Variants in ENOX1 observed in about 807,000 individuals in gnomAD.
ENOX1 encodes ecto-NOX disulfide-thiol exchanger 1, also known as candidate growth-related and time keeping constitutive hydroquinone (NADH) oxidase.
In ENOX1, 42 loss-of-function variants were observed where a neutral mutation model predicts 82.5. That is an observed-to-expected ratio of 0.51 (90% CI 0.40 to 0.66). The LOEUF is 0.66. ENOX1 is among the 30% of genes least tolerant of loss of function. The pLI is 0.00. For missense variants in ENOX1, 608 were observed against 811.6 expected (o/e 0.75, Z 3.05); for synonymous variants, 271 against 282.2 (o/e 0.96, Z 0.40).
chr13:43,355,332 C>T (rs907471555), intron 8 of ENOX1, among the ~76,000 whole-genome samples: 1 of 152,210 alleles, frequency 6.6e-6, no homozygotes, highest in Non-Finnish European at 1.5e-5. Flanking sequence ...AACATACTCT[C>T]TTCTCTTGCT....
chr13:43,360,533 A>T (rs1369998295), intron 6 of ENOX1, among the ~76,000 whole-genome samples: 3 of 152,146 alleles, frequency 2.0e-5, no homozygotes, highest in Non-Finnish European at 4.4e-5. Context: ...ACCGGGCCTG[A>T]AAAAAACCAC....
intron 5 of ENOX1, among the ~76,000 whole-genome samples, chr13:43,400,245 GTTCTCCCTTCTCTTCCA>G (rs369327346): frequency 6.6e-6 from 1 of 151,904 alleles, no homozygotes; most frequent in African/African-American, 2.4e-5. Flanking sequence ...ACCTTCAAGG[GTTCTCCCTTCTCTTCCA>G]ACCTTCCATT....
intron 9 of ENOX1, among the ~76,000 whole-genome samples, chr13:43,341,616 G>A (rs4941457): frequency 0.019 from 2,822 of 152,252 alleles, 46 homozygotes; most frequent in South Asian, 0.034. Context: ...AATGCAATGG[G>A]GAGATACTCA....
intron 16 of ENOX1, among the ~76,000 whole-genome samples, chr13:43,218,159 A>T (rs9594911): frequency 6.6e-6 from 1 of 152,128 alleles, no homozygotes; most frequent in Non-Finnish European, 1.5e-5. Flanking sequence ...ATTTTGAGAA[A>T]GCCAGAAATT....
intron 3 of ENOX1, among the ~76,000 whole-genome samples, chr13:43,414,239 G>C (rs185771691): frequency 6.6e-6 from 1 of 152,136 alleles, no homozygotes; most frequent in African/African-American, 2.4e-5. Flanking sequence ...GGTGAATAAT[G>C]AGCAAATAGT....
At chr13:43,710,628 A>G (rs780643562) in intron 1 of ENOX1, among the ~76,000 whole-genome samples, 12 of 152,210 alleles carry the variant, frequency 7.9e-5, no homozygotes, top group Non-Finnish European at 1.6e-4. Flanking sequence ...ATGAACATAA[A>G]ATGTGTCTAT....
intron 3 of ENOX1, among the ~76,000 whole-genome samples, chr13:43,433,314 G>C (rs1470142313): frequency 6.6e-6 from 1 of 152,084 alleles, no homozygotes; most frequent in Non-Finnish European, 1.5e-5. Context: ...AGTCTTCCTT[G>C]AGCGAGAACT....
Position 43,298,435 on chromosome 13 carries a change from C to T in ENOX1, c.1357G>A (p.Glu453Lys), listed in dbSNP as rs1206773267. 6.2e-7 allele frequency: 1 copy of T among 1,613,868 alleles called. No homozygotes were observed. The highest frequency in any genetic ancestry group is 8.5e-7 in the Non-Finnish European group (1 of 1,179,966). Residue 453 changes from glutamate (E) to lysine (K), a missense_variant, in exon 12 of 17, where the codon GAA becomes AAA. By Grantham distance (56) the Glu-to-Lys change is moderately conservative. Coordinates refer to ENST00000690772, the MANE Select transcript of ENOX1 (RefSeq NM_001347969.2). ...TCTGTTCGGAAAAGCTGTTCTTTTT[C>T]TTGTTTCAGCAGCTCCACCTCATTC... ...YRNEVELLKQ[E>K]KEQLFRTEEN...
intron 2 of ENOX1, chr13:43,546,594 A>C (rs993147691): frequency 1.3e-5 from 2 of 152,190 alleles, no homozygotes; most frequent in African/African-American, 4.8e-5. Context: ...CCACATCTGA[A>C]GGATCCATAT....
intron 1 of ENOX1, among the ~76,000 whole-genome samples, chr13:43,760,700 A>G (rs879510375): frequency 7.2e-5 from 11 of 152,188 alleles, no homozygotes; most frequent in Non-Finnish European, 1.5e-4. Context: ...TTTCCAAGGG[A>G]ATCCAAACAA....
At chr13:43,520,062 T>C (rs1173050703) in intron 2 of ENOX1, among the ~76,000 whole-genome samples, 1 of 152,186 alleles carries the variant, frequency 6.6e-6, no homozygotes, top group African/African-American at 2.4e-5. Context: ...CATCTTAGTG[T>C]TCCCAGAACC....
At chr13:43,639,098 G>T (rs1325002093) in intron 2 of ENOX1, among the ~76,000 whole-genome samples, 2 of 111,400 alleles carry the variant, frequency 1.8e-5, no homozygotes, top group Non-Finnish European at 3.8e-5. Context: ...GAGGTCAGGA[G>T]TTCGAGACCA....
intron 11 of ENOX1, 45 bp downstream of exon 11, chr13:43,322,339 G>T: frequency 6.8e-7 from 1 of 1,460,926 alleles, no homozygotes; most frequent in Non-Finnish European, 9.5e-7. Flanking sequence ...AGATTTGGAA[G>T]ATCATTATGA....
chr13:43,333,702 A>G (rs2048539780), intron 9 of ENOX1, among the ~76,000 whole-genome samples: 1 of 152,206 alleles, frequency 6.6e-6, no homozygotes, highest in South Asian at 2.1e-4. Context: ...GGCTCACTGC[A>G]ACCTCAGCCT....
chr13:43,343,383 T>C (rs2049179666), intron 9 of ENOX1, among the ~76,000 whole-genome samples: 2 of 152,218 alleles, frequency 1.3e-5, no homozygotes, highest in South Asian at 4.1e-4. Flanking sequence ...CTGGTATCAG[T>C]CTGTGTGAAG....
intron 3 of ENOX1, among the ~76,000 whole-genome samples, chr13:43,426,834 A>G (rs1353703028): frequency 6.6e-6 from 1 of 152,198 alleles, no homozygotes; most frequent in African/African-American, 2.4e-5. Context: ...AATTTTGCTA[A>G]TAAGATAAAA....
At chr13:43,461,219 A>G (rs2057470051) in intron 3 of ENOX1, among the ~76,000 whole-genome samples, 1 of 152,196 alleles carries the variant, frequency 6.6e-6, no homozygotes. Flanking sequence ...CTGAGATTCA[A>G]ACTATAGGCC....
chr13:43,514,957 G>T lies in ENOX1; in HGVS notation c.-218-30805C>A, dbSNP rs114213516. Among the ~76,000 whole-genome samples, 794 of 152,208 alleles carry T rather than the reference G, an allele frequency of 5.2e-3. 6 individuals are homozygous for T. The highest frequency in any genetic ancestry group is 0.018 in the African/African-American group (740 of 41,540). ...AGGCTTTCTATATGCCAGATTGTAG[G>T]TTGAGGCACCCACAGTTTCAACAAG... On this transcript the variant is annotated intron_variant, in intron 2 of 16. Transcript: ENST00000690772.
chr13:43,263,266 G>A (rs1249307832), intron 14 of ENOX1, among the ~76,000 whole-genome samples: 1 of 152,118 alleles, frequency 6.6e-6, no homozygotes, highest in African/African-American at 2.4e-5. Context: ...AGGGAGGGAG[G>A]TGGCCACCCG....
Sources: allele counts gnomAD v4.1 joint callset (sites outside exome capture counted in the v4.1 genomes callset), GRCh38; gene constraint gnomAD v4.1.1; transcripts MANE v1.5; gene names NCBI Gene and HGNC (gene_info 2026-07-23, HGNC 2026-07-21).